CDH26: variants seen among roughly 807,000 people sequenced by gnomAD.
The protein encoded by CDH26 is cadherin-like protein 26.
In CDH26, 83 loss-of-function variants were observed where a neutral mutation model predicts 90.3. That is an observed-to-expected ratio of 0.92 (90% CI 0.77 to 1.10). The LOEUF is 1.10. Among genes scored for constraint, CDH26 ranks in the 50% least tolerant of loss-of-function variants. The pLI is 0.00. For synonymous variants in CDH26, 397 were observed against 396.3 expected (o/e 1.00, Z -0.02); for missense variants, 1,013 against 1,037.6 (o/e 0.98, Z 0.33).
intron 7 of CDH26, among the ~76,000 whole-genome samples, chr20:60,029,136 G>A (rs932057233): frequency 6.6e-6 from 1 of 152,196 alleles, no homozygotes; most frequent in Non-Finnish European, 1.5e-5. Context: ...AGAGTCAGAT[G>A]AAAATGCAGA....
intron 8 of CDH26, chr20:60,033,372 A>T: frequency 8.3e-7 from 1 of 1,206,844 alleles, no homozygotes; most frequent in Non-Finnish European, 1.1e-6. Context: ...GCCTTCCTTC[A>T]TGCATACATG....
At chr20:59,979,793 A>T (rs1264241057) in intron 4 of CDH26, among the ~76,000 whole-genome samples, 1 of 150,584 alleles carries the variant, frequency 6.6e-6, no homozygotes, top group Non-Finnish European at 1.5e-5. Flanking sequence ...CACCTGGCTA[A>T]TTTTTATATT....
intron 4 of CDH26, among the ~76,000 whole-genome samples, chr20:59,979,212 T>TC (rs1284956983): frequency 6.6e-6 from 1 of 151,000 alleles, no homozygotes; most frequent in African/African-American, 2.4e-5. Flanking sequence ...TTTTTTTTTT[T>TC]TTTTTGAGAC....
chr20:60,003,803 A>C (rs1481779450), intron 16 of CDH26, among the ~76,000 whole-genome samples: 7 of 152,212 alleles, frequency 4.6e-5, no homozygotes, highest in Admixed American at 4.6e-4. Flanking sequence ...GAGTTAAACC[A>C]GTGGCTAAGT....
At chr20:60,016,715 C>G (rs2061908582), downstream of CDH26, among the ~76,000 whole-genome samples, 1 of 152,040 alleles carries the variant, frequency 6.6e-6, no homozygotes, top group South Asian at 2.1e-4. Context: ...TAGTTTCCAA[C>G]TTTTCCTCAT....
In CDH26 at chr20:59,988,920, C is replaced by T. The variant is rs1351876576; in HGVS notation, c.1040C>T (p.Thr347Ile). 4.3e-6 allele frequency: 7 copies of T among 1,614,066 alleles called. No homozygotes were observed. The East Asian group carries it at 1.6e-4, about 36-fold the overall frequency. ...GGGTTCCAGCCTTTGGATTATGAGA[C>T]TCGCCCAGCGCAAAGCCTCATCATT... The part of the protein sequence containing the change: ...LNVIKPLDYE[T>I]RPAQSLIIVV... The change falls in exon 9 of 18, where the codon ACT (threonine) becomes ATT (isoleucine). Residue 347 changes from threonine (T) to isoleucine (I), a missense_variant. Physicochemically the swap from Thr to Ile is moderately conservative, Grantham distance 89. Coordinates refer to ENST00000348616, the MANE Select transcript of CDH26 (RefSeq NM_177980.4).
intron 1 of CDH26, among the ~76,000 whole-genome samples, chr20:59,959,360 G>T (rs938970835): frequency 6.7e-6 from 1 of 150,122 alleles, no homozygotes; most frequent in African/African-American, 2.5e-5. Flanking sequence ...TTGCCCTTCC[G>T]AAGTGTTGGG....
Position 60,001,391 on chromosome 20 carries a change from C to T in CDH26, c.2146C>T (p.Arg716Cys), listed in dbSNP as rs770984580. Residue 716 changes from arginine (R) to cysteine (C), a missense_variant, in exon 15 of 18, where the codon CGC becomes TGC. Coordinates refer to ENST00000348616, the MANE Select transcript of CDH26 (RefSeq NM_177980.4). Reference protein sequence around the residue: ...PSAASQSAQARCALGSWGYGK... With the variant: ...PSAASQSAQACCALGSWGYGK... Reference sequence around the variant, plus strand: ...TGCAGCGAGTCAGTCAGCCCAAGCACGCTGTGCTCTGGGGAGCTGGGTGAG... The same window carrying T: ...TGCAGCGAGTCAGTCAGCCCAAGCATGCTGTGCTCTGGGGAGCTGGGTGAG... 1.2e-5 allele frequency: 20 copies of T among 1,613,896 alleles called. No individual in the cohort carries two copies. The highest frequency in any genetic ancestry group is 6.7e-5 in the Admixed American group (4 of 59,996).
intron 1 of CDH26, among the ~76,000 whole-genome samples, chr20:59,965,308 G>A (rs187353024): frequency 6.6e-6 from 1 of 152,320 alleles, no homozygotes; most frequent in East Asian, 1.9e-4. Flanking sequence ...AACCAGAGTG[G>A]AGGCTCTGTC....
At chr20:60,006,659 G>A (rs1006346849) in intron 16 of CDH26, 54 bp from the exon 17 acceptor site, 16 of 1,315,410 alleles carry the variant, frequency 1.2e-5, no homozygotes, top group Admixed American at 5.0e-5. Context: ...ACAGGGGTTG[G>A]GGGGTAGGAC....
At chr20:59,996,834 C>T (rs1378891216) in intron 13 of CDH26, 73 bp downstream of exon 13, 1 of 1,572,156 alleles carries the variant, frequency 6.4e-7, no homozygotes, top group Middle Eastern at 1.7e-4. Flanking sequence ...ATGTATTTTT[C>T]CCCCCATTGT....
intron 16 of CDH26, 130 bp from the exon 17 acceptor site, chr20:60,006,583 G>A (rs2061753783): frequency 1.1e-5 from 7 of 666,378 alleles, no homozygotes; most frequent in Non-Finnish European, 1.9e-5. Flanking sequence ...ACTACCCTGG[G>A]CCTGGCTCTT....
intron 16 of CDH26, among the ~76,000 whole-genome samples, chr20:60,003,961 T>C (rs1255263325): frequency 6.6e-6 from 1 of 152,168 alleles, no homozygotes; most frequent in Non-Finnish European, 1.5e-5. Flanking sequence ...ACACGGCGTC[T>C]TCCTCTGGTC....
At chr20:60,010,181 G>A (rs2061812525) in intron 17 of CDH26, among the ~76,000 whole-genome samples, 1 of 152,136 alleles carries the variant, frequency 6.6e-6, no homozygotes, top group South Asian at 2.1e-4. Context: ...GCAGTCACTG[G>A]GTGGGGCGGG....
At chr20:60,003,063 C>T (rs2061697434) in intron 16 of CDH26, among the ~76,000 whole-genome samples, 197 bp downstream of exon 16, 1 of 152,138 alleles carries the variant, frequency 6.6e-6, no homozygotes, top group Non-Finnish European at 1.5e-5. Flanking sequence ...TCCCGTGACT[C>T]GAGGGCATAA....
rs6027249 is a variant in CDH26, at chr20:60,030,990, G to C, written c.948-241G>C. The stretch of plus-strand genomic sequence containing the variant: ...GGAATAAAAGAATGGCTACTCCATA[G>C]ACAAAGCAGCCTCGAGGGCTGCTGG... On this transcript the variant is annotated intron_variant, in intron 7 of 8. Transcript: ENST00000370991. This position sits in a 1 kb window ranked among gnomAD's most constrained non-coding sequence, Gnocchi z 4.0. 8.0e-3 allele frequency among the ~76,000 whole-genome samples: 1,225 copies of C among 152,316 alleles called. 13 individuals are homozygous for C. The highest frequency in any genetic ancestry group is 0.028 in the African/African-American group (1,174 of 41,566).
intron 4 of CDH26, among the ~76,000 whole-genome samples, chr20:59,979,308 C>T (rs1569033334): frequency 6.6e-6 from 1 of 150,904 alleles, no homozygotes; most frequent in Non-Finnish European, 1.5e-5. Context: ...AAGCAATTCT[C>T]CTGCCTCAGT....
intron 4 of CDH26, among the ~76,000 whole-genome samples, chr20:59,980,380 C>T (rs2061380642): frequency 6.6e-6 from 1 of 151,982 alleles, no homozygotes; most frequent in African/African-American, 2.4e-5. Flanking sequence ...CTGCAACCTC[C>T]ACCTTCTGGG....
chr20:59,973,042 TCA>T lies in CDH26; in HGVS notation c.393+922_393+923del, dbSNP rs2061283267. 2.0e-5 allele frequency among the ~76,000 whole-genome samples: 3 copies of T among 152,348 alleles called. No individual in the cohort carries two copies. In the South Asian group the frequency reaches 6.2e-4, roughly 32 times the overall value. The stretch of plus-strand genomic sequence containing the variant: ...TGCATGCCTCCCTTCTGTGCAGAAT[TCA>T]CAGTGTCTGTTAAAAAGAAGGACTT... On this transcript the variant is annotated intron_variant, in intron 4 of 17. Transcript: ENST00000348616.
Sources: gnomAD v4.1 joint callset for allele counts (sites outside exome capture counted in the v4.1 genomes callset) on GRCh38, gnomAD v4.1.1 for gene constraint, Gnocchi (gnomAD v3.1) non-coding constraint, MANE v1.5 for transcripts, NCBI Gene and HGNC (gene_info 2026-07-23, HGNC 2026-07-21) for gene names.